The following SFPQ variants were observed in gnomAD, a reference collection of about 807,000 sequenced individuals.
SFPQ encodes the protein splicing factor proline and glutamine rich.
Under a neutral mutation model 72.9 loss-of-function variants are expected in SFPQ, and 11 were observed. The observed-to-expected ratio is 0.15, with a 90% CI of 0.09 to 0.25. The LOEUF is 0.25. SFPQ is among the 10% of genes least tolerant of loss of function. The probability of loss-of-function intolerance (pLI) is 1.00; values close to 1 mark genes in which losing one functional copy is unlikely to be tolerated. For missense variants in SFPQ, 847 were observed against 993.3 expected, an observed-to-expected ratio of 0.85 and a Z score of 1.98; for synonymous variants, 506 against 367.3, an observed-to-expected ratio of 1.38 and a Z score of -4.32.
chr1:35,193,121 T>A lies in SFPQ; in HGVS notation c.-72A>T. Reference sequence around the variant, plus strand: ...GGAAACGTGGAGGCCACCTTGCTTCTCACAAAATGGCGGATGACACAGGCG... The same window carrying A: ...GGAAACGTGGAGGCCACCTTGCTTCACACAAAATGGCGGATGACACAGGCG... On this transcript the variant is annotated 5_prime_UTR_variant, in exon 1 of 10. Transcript: ENST00000357214. The A allele has an allele frequency of 6.7e-7, 1 of 1,485,180 alleles. No individual in the cohort carries two copies. Among genetic ancestry groups the A allele is most frequent in the Non-Finnish European group, 8.9e-7 (1 of 1,125,674 alleles). 92.0% of individuals were successfully genotyped at this position (1,485,180 alleles called of 1,614,324 possible). A position where few individuals can be genotyped will look rare whatever the true frequency, so the allele number is the denominator to read the frequency against.
At position 35,186,978 on chromosome 1, in the gene SFPQ, C is replaced by T. The variant is rs777479382; in HGVS notation, c.1986+23G>A. 4.4e-6 allele frequency: 7 copies of T among 1,598,548 alleles called. No individual in the cohort carries two copies. The South Asian group carries it at 6.7e-5, about 15-fold the overall frequency. The stretch of plus-strand genomic sequence containing the variant: ...TGTGAAAATGAGAATTTCCTTGGTA[C>T]TACGTCCCACAGGATACATTACCAT... On this transcript the variant is annotated intron_variant, in intron 9 of 9. Transcript: ENST00000357214.
At chr1:35,187,355 T>C (rs908647211) in intron 7 of SFPQ, 104 bp from the exon 8 acceptor site, 5 of 1,025,940 alleles carry the variant, frequency 4.9e-6, no homozygotes, top group African/African-American at 4.8e-5. Context: ...ATGGTAAAGT[T>C]CAAAAGTTCA....
At position 35,188,108 on chromosome 1, in the gene SFPQ, G is replaced by C; in HGVS notation, c.1698-18C>G. ...CCTCTTGCCTAGAAATACCCATCAG[G>C]TACATAACTGAAGTGTTATCCACAT... is the stretch of plus-strand genomic sequence containing the variant. On this transcript the variant is annotated intron_variant, in intron 6 of 9. Transcript: ENST00000357214. The C allele has an allele frequency of 6.6e-7, 1 of 1,523,724 alleles. No individual in the cohort carries two copies. The highest frequency in any genetic ancestry group is 9.1e-7 in the Non-Finnish European group (1 of 1,098,196). 94.4% of individuals were successfully genotyped at this position (1,523,724 alleles called of 1,614,324 possible).
downstream of SFPQ, chr1:35,182,181 A>ATT: frequency 1.0e-6 from 1 of 985,154 alleles, no homozygotes; most frequent in South Asian, 4.7e-5. Flanking sequence ...ACCCACACAC[A>ATT]TTCAAAGTTC....
At chr1:35,182,184 C>G, downstream of SFPQ, 1 of 985,366 alleles carries the variant, frequency 1.0e-6, no homozygotes, top group Non-Finnish European at 1.2e-6. Context: ...CACACACATT[C>G]AAAGTTCACC....
chr1:35,182,100 G>A (rs1219121468), downstream of SFPQ: 17 of 985,158 alleles, frequency 1.7e-5, no homozygotes, highest in Non-Finnish European at 1.9e-5. Flanking sequence ...ATAAAGAAAG[G>A]CATGTAATCT....
At chr1:35,192,114 C>T (rs1640038244) in intron 1 of SFPQ, 108 bp downstream of exon 1, 4 of 946,980 alleles carry the variant, frequency 4.2e-6, no homozygotes, top group Non-Finnish European at 4.1e-6. Flanking sequence ...CGCGCGCAAG[C>T]GCCCCTTCCG....
intron 4 of SFPQ, among the ~76,000 whole-genome samples, 193 bp from the exon 5 acceptor site, chr1:35,189,575 G>A (rs775637066): frequency 6.6e-6 from 1 of 152,150 alleles, no homozygotes; most frequent in Non-Finnish European, 1.5e-5. Context: ...AGGCACTGGA[G>A]ATAAATCCTA....
chr1:35,182,505 T>C (rs2148609041), downstream of SFPQ: 1 of 985,436 alleles, frequency 1.0e-6, no homozygotes, highest in South Asian at 4.7e-5. Flanking sequence ...GGTGAGATGC[T>C]TTTATACACT....
chr1:35,187,712 C>G (rs892124042), intron 7 of SFPQ, among the ~76,000 whole-genome samples: 4 of 151,092 alleles, frequency 2.6e-5, no homozygotes, highest in African/African-American at 9.7e-5. Flanking sequence ...GCCTGGGTGA[C>G]AAGAGCAAAA....
In SFPQ at chr1:35,183,751, A is replaced by G. The variant is rs1639580352; in HGVS notation, c.*705T>C. 12 of 1,051,594 alleles carry G rather than the reference A, an allele frequency of 1.1e-5. No individual in the cohort carries two copies. The highest frequency in any genetic ancestry group is 1.4e-5 in the Non-Finnish European group (12 of 870,248). 65.1% of individuals were successfully genotyped at this position (1,051,594 alleles called of 1,614,324 possible). A position where few individuals can be genotyped will look rare whatever the true frequency, so the allele number is the denominator to read the frequency against. Reference sequence around the variant, plus strand: ...AAAGCTTTCAAGTAAAGGATAGATCATAGGGCCATAAAAGATCCATTTAAT... The same window carrying G: ...AAAGCTTTCAAGTAAAGGATAGATCGTAGGGCCATAAAAGATCCATTTAAT... On this transcript the variant is annotated 3_prime_UTR_variant, in exon 10 of 10. Coordinates refer to ENST00000357214, the MANE Select transcript of SFPQ (RefSeq NM_005066.3).
chr1:35,191,266 G>A, intron 2 of SFPQ, 75 bp downstream of exon 2: 3 of 1,238,666 alleles, frequency 2.4e-6, no homozygotes, highest in East Asian at 2.3e-5. Flanking sequence ...TAAAAACCAA[G>A]CCTTCAGCGT....
intron 7 of SFPQ, 56 bp downstream of exon 7, chr1:35,187,917 G>A (rs1274434812): frequency 5.8e-6 from 6 of 1,034,066 alleles, no homozygotes; most frequent in Non-Finnish European, 9.0e-6. Flanking sequence ...ATTCCTTCTA[G>A]GTACCTGCAA....
chr1:35,193,009 C>G lies in SFPQ; in HGVS notation c.41G>C (p.Gly14Ala). 1 of 1,576,320 alleles carries G rather than the reference C, an allele frequency of 6.3e-7. No individual in the cohort carries two copies. ...GCCTCCTCCACGCCTGTGGAAGCCA[C>G]CACCGCCACCGCCACGACTCCGGAA... The part of the protein sequence containing the change: ...DRFRSRGGGG[G>A]GFHRRGGGGG... Residue 14 changes from glycine to alanine, a missense_variant, in exon 1 of 10, where the codon GGT becomes GCT. Gly to Ala is a moderately conservative substitution (Grantham distance 60). Transcript: ENST00000357214.
At chr1:35,191,918 C>T (rs1268802303) in intron 1 of SFPQ, among the ~76,000 whole-genome samples, 1 of 152,246 alleles carries the variant, frequency 6.6e-6, no homozygotes, top group East Asian at 1.9e-4. Context: ...CAAACCTACG[C>T]CGCATGCTCT....
downstream of SFPQ, chr1:35,181,974 G>GT (rs1363517241): frequency 2.9e-5 from 29 of 985,272 alleles, no homozygotes; most frequent in African/African-American, 4.2e-4. Flanking sequence ...ACAGTCCACA[G>GT]TAAGGGTATC....
chr1:35,180,423 A>C (rs914446989), downstream of SFPQ: 1 of 1,047,724 alleles, frequency 9.5e-7, no homozygotes, highest in Non-Finnish European at 1.2e-6. Context: ...CATCCTACAG[A>C]AACGACGATG....
chr1:35,191,221 G>T (rs1439375888), intron 2 of SFPQ, 120 bp downstream of exon 2: 2 of 941,288 alleles, frequency 2.1e-6, no homozygotes, highest in African/African-American at 1.7e-5. Flanking sequence ...TAAGAATGGT[G>T]AAAAATCTAA....
chr1:35,181,667 G>C, downstream of SFPQ: 1 of 1,060,484 alleles, frequency 9.4e-7, no homozygotes. Context: ...AAAATTATGA[G>C]AAAGTGGAGA....
Sources: gnomAD v4.1 joint callset for allele counts (sites outside exome capture counted in the v4.1 genomes callset) on GRCh38, gnomAD v4.1.1 for gene constraint, MANE v1.5 for transcripts, NCBI Gene and HGNC (gene_info 2026-07-23, HGNC 2026-07-21) for gene names.